Variants in CEP128 observed in about 807,000 individuals in gnomAD.
CEP128 encodes the protein centrosomal protein 128.
Under a neutral mutation model 156.7 loss-of-function variants are expected in CEP128, and 132 were observed. The observed-to-expected ratio is 0.84, with a 90% CI of 0.73 to 0.97. The LOEUF (loss-of-function observed/expected upper bound fraction) is 0.97, where lower values mean the gene tolerates loss of function less well. Ranked by LOEUF, CEP128 falls within the 50% of genes least tolerant of loss-of-function variation. The pLI, the probability that CEP128 is intolerant of heterozygous loss-of-function variation, is 0.00. For synonymous variants in CEP128, 469 were observed against 448.9 expected (o/e 1.04, Z -0.57); for missense variants, 1,252 against 1,281.9 (o/e 0.98, Z 0.36).
intron 19 of CEP128, among the ~76,000 whole-genome samples, chr14:80,706,123 A>G (rs1897233351): frequency 6.6e-6 from 1 of 152,120 alleles, no homozygotes; most frequent in South Asian, 2.1e-4. Flanking sequence ...ATTAGTTGGA[A>G]CTTCTAGAAG....
At chr14:80,640,554 A>G (rs1321850348) in intron 19 of CEP128, among the ~76,000 whole-genome samples, 1 of 152,104 alleles carries the variant, frequency 6.6e-6, no homozygotes, top group Non-Finnish European at 1.5e-5. Flanking sequence ...CCACAGCAAC[A>G]TCCTCTCCTT....
chr14:80,607,349 GA>G (rs1163702227), intron 19 of CEP128, among the ~76,000 whole-genome samples: 7 of 152,076 alleles, frequency 4.6e-5, no homozygotes, highest in Non-Finnish European at 8.8e-5. Context: ...GATGGAGTGA[GA>G]AACAAAAGCG....
upstream of CEP128, among the ~76,000 whole-genome samples, chr14:80,944,894 A>T (rs553629781): frequency 5.1e-4 from 74 of 144,778 alleles, no homozygotes; most frequent in Non-Finnish European, 8.2e-4. Flanking sequence ...AAAAAAAACC[A>T]CTTTCCTTTA....
chr14:80,881,504 A>ATCCT (rs1555359382), intron 8 of CEP128, among the ~76,000 whole-genome samples: 2 of 151,524 alleles, frequency 1.3e-5, no homozygotes, highest in Non-Finnish European at 2.9e-5. Context: ...TAAAGAACTA[A>ATCCT]TACTTACCCT....
At chr14:80,590,153 A>T (rs1891987543) in intron 19 of CEP128, among the ~76,000 whole-genome samples, 1 of 152,150 alleles carries the variant, frequency 6.6e-6, no homozygotes, top group Non-Finnish European at 1.5e-5. Flanking sequence ...AAGGACATGA[A>T]TCCTCACAGA....
intron 13 of CEP128, among the ~76,000 whole-genome samples, chr14:80,815,448 A>G (rs1884795503): frequency 6.6e-6 from 1 of 152,226 alleles, no homozygotes; most frequent in African/African-American, 2.4e-5. Flanking sequence ...GGAAAAGGCA[A>G]TGCTGGTACA....
chr14:80,950,534 G>A (rs189558391), intron 2 of CEP128, among the ~76,000 whole-genome samples: 5 of 151,940 alleles, frequency 3.3e-5, no homozygotes, highest in African/African-American at 4.8e-5. Context: ...TAAATATTAC[G>A]GGAGGACAAA....
At chr14:80,592,768 C>T (rs984560770) in intron 19 of CEP128, among the ~76,000 whole-genome samples, 2 of 152,066 alleles carry the variant, frequency 1.3e-5, no homozygotes, top group African/African-American at 2.4e-5. Context: ...ACTGGCAAAC[C>T]GAATCCAGCA....
At chr14:80,582,945 A>G (rs932854135) in intron 19 of CEP128, among the ~76,000 whole-genome samples, 5 of 152,134 alleles carry the variant, frequency 3.3e-5, no homozygotes, top group Admixed American at 6.6e-5. Flanking sequence ...ACAAAAGAAA[A>G]CTAATCTTGT....
intron 21 of CEP128, among the ~76,000 whole-genome samples, chr14:80,553,135 T>C (rs962289259): frequency 2.0e-4 from 31 of 152,032 alleles, no homozygotes; most frequent in African/African-American, 7.0e-4. Context: ...AATGTGCAGA[T>C]TTGTTACATA....
chr14:80,838,867 G>A (rs540668203), intron 10 of CEP128, among the ~76,000 whole-genome samples: 11 of 152,086 alleles, frequency 7.2e-5, no homozygotes, highest in South Asian at 6.2e-4. Context: ...GATAAATATC[G>A]ATAAAAAATG....
At chr14:80,641,132 C>A (rs1894391116) in intron 19 of CEP128, among the ~76,000 whole-genome samples, 1 of 152,166 alleles carries the variant, frequency 6.6e-6, no homozygotes, top group African/African-American at 2.4e-5. Flanking sequence ...CCAGAAATTT[C>A]TACTTCTCTC....
chr14:80,511,360 T>C lies in CEP128; in HGVS notation c.3073-6340A>G, dbSNP rs145428427. Among the ~76,000 whole-genome samples the C allele has an allele frequency of 8.5e-3, 1,287 of 152,074 alleles. 3 individuals carry two copies. The highest frequency in any genetic ancestry group is 0.014 in the Non-Finnish European group (941 of 67,854). On this transcript the variant is annotated intron_variant, in intron 23 of 24. Transcript: ENST00000555265. Reference sequence around the variant, plus strand: ...GTAGGTTGTATGTGTCCAGAATGTATCCATTTTATCTAAGCTTTCCTATTT... The same window carrying C: ...GTAGGTTGTATGTGTCCAGAATGTACCCATTTTATCTAAGCTTTCCTATTT...
At chr14:80,613,572 G>A (rs531342905) in intron 19 of CEP128, among the ~76,000 whole-genome samples, 37 of 151,992 alleles carry the variant, frequency 2.4e-4, no homozygotes, top group African/African-American at 8.7e-4. Flanking sequence ...GCCTCTCGAA[G>A]GGCTGGGATT....
intron 8 of CEP128, among the ~76,000 whole-genome samples, chr14:80,871,737 T>C (rs1595526825): frequency 6.6e-6 from 1 of 152,120 alleles, no homozygotes; most frequent in East Asian, 1.9e-4. Flanking sequence ...TTTACCAGAA[T>C]ACCATTATCA....
chr14:80,792,941 C>T lies in CEP128; in HGVS notation c.1379G>A (p.Arg460Gln), dbSNP rs763447355. The stretch of plus-strand genomic sequence containing the variant: ...TGACTGCTGGAGCTCACTGAGGTAC[C>T]GCTCAGCCTGCTTGGTTGCATCCTC... ...HAEDATKQAE[R>Q]YLSELQQSEA... Residue 460 changes from arginine to glutamine, a missense_variant, in exon 14 of 25, where the codon CGG becomes CAG. Coordinates refer to ENST00000555265, the MANE Select transcript of CEP128 (RefSeq NM_152446.5). 3.1e-6 allele frequency: 5 copies of T among 1,614,060 alleles called. No individual in the cohort carries two copies. The highest frequency in any genetic ancestry group is 2.2e-5 in the East Asian group (1 of 44,894).
At chr14:80,716,675 T>C (rs890952656) in intron 19 of CEP128, among the ~76,000 whole-genome samples, 14 of 152,238 alleles carry the variant, frequency 9.2e-5, no homozygotes, top group African/African-American at 3.4e-4. Context: ...TGTTTATCCT[T>C]AAGGCTGTTG....
At position 80,899,978 on chromosome 14, in the gene CEP128, G is replaced by A. The variant is rs1883440355; in HGVS notation, c.532C>T (p.Leu178Phe). ...LRDLSSEQIR[L>F]GDDFNRELSR... Reference sequence around the variant, plus strand: ...AGCTCCCTGTTGAAATCATCTCCAAGGCGAATTTGTTCACTGCTGAGGTCT... The same window carrying A: ...AGCTCCCTGTTGAAATCATCTCCAAAGCGAATTTGTTCACTGCTGAGGTCT... The change falls in exon 7 of 25, where the codon CTT (leucine) becomes TTT (phenylalanine). Residue 178 changes from leucine (L) to phenylalanine (F), a missense_variant. By Grantham distance (22) the Leu-to-Phe change is conservative (BLOSUM62 0). Transcript: ENST00000555265. 6.2e-7 allele frequency: 1 copy of A among 1,613,594 alleles called. No individual in the cohort carries two copies. Among genetic ancestry groups the A allele is most frequent in the African/African-American group, 1.3e-5 (1 of 74,878 alleles).
chr14:80,743,036 A>T, intron 19 of CEP128, 39 bp downstream of exon 19: 1 of 1,585,846 alleles, frequency 6.3e-7, no homozygotes, highest in Non-Finnish European at 8.6e-7. Flanking sequence ...GATTCCATAA[A>T]TATAAACAAA....
Sources: gnomAD v4.1 joint callset for allele counts (sites outside exome capture counted in the v4.1 genomes callset) on GRCh38, gnomAD v4.1.1 for gene constraint, MANE v1.5 for transcripts, NCBI Gene and HGNC (gene_info 2026-07-23, HGNC 2026-07-21) for gene names.